Variants in TRPM8 observed in about 807,000 individuals in gnomAD.
TRPM8 encodes TRPM8 cationic channel.
A neutral mutation model predicts 133.7 loss-of-function variants in TRPM8; 110 were observed. That is an observed-to-expected ratio of 0.82 (90% CI 0.70 to 0.96). TRPM8 has a LOEUF of 0.96. Among genes scored for constraint, TRPM8 ranks in the 40% least tolerant of loss-of-function variants. The pLI is 0.00. For synonymous variants in TRPM8, 535 were observed against 532.3 expected, an observed-to-expected ratio of 1.01 and a Z score of -0.07; for missense variants, 1,291 against 1,379.5, an observed-to-expected ratio of 0.94 and a Z score of 1.02.
chr2:233,980,274 A>G lies in TRPM8; in HGVS notation c.2442A>G (p.Val814=). 6.3e-7 allele frequency: 1 copy of G among 1,592,528 alleles called. No individual in the cohort carries two copies. The highest frequency in any genetic ancestry group is 8.5e-7 in the Non-Finnish European group (1 of 1,172,382). The change falls in exon 18 of 26, where the codon GTA becomes GTG. Residue 814 remains valine (V), a synonymous_variant. Transcript: ENST00000324695. ...TTTTTTACTTCATAGCAGGAATTGT[A>G]TTTCGGTAAGTAGTCTCATCACTTT... ...LGLFYFIAGI[V]FRLHSSNKSS... is the part of the protein sequence containing the mutation.
chr2:233,974,448 G>T (rs1314501901), intron 17 of TRPM8, among the ~76,000 whole-genome samples: 2 of 152,090 alleles, frequency 1.3e-5, no homozygotes, highest in African/African-American at 4.8e-5. Context: ...TGGCCAGGAT[G>T]GTCTCAATCT....
intron 5 of TRPM8, among the ~76,000 whole-genome samples, chr2:233,942,072 T>TTA (rs1690918222): frequency 1.2e-5 from 1 of 84,762 alleles, no homozygotes; most frequent in Non-Finnish European, 1.9e-5. Flanking sequence ...GTCAAGAATC[T>TTA]TTTTTTTTTT....
intron 2 of TRPM8, among the ~76,000 whole-genome samples, chr2:233,927,742 CTTTCTTTCTTTCT>C (rs1691553348): frequency 1.6e-5 from 1 of 61,774 alleles, no homozygotes; most frequent in Non-Finnish European, 2.5e-5. Flanking sequence ...TTCTTTCTTT[CTTTCTTTCTTTCT>C]TTCTTTCTTT....
chr2:233,930,793 C>G, intron 3 of TRPM8, 52 bp downstream of exon 3: 7 of 1,269,090 alleles, frequency 5.5e-6, no homozygotes, highest in Non-Finnish European at 6.8e-6. Flanking sequence ...AAAAAATTAT[C>G]AGCCACCCTT....
intron 22 of TRPM8, among the ~76,000 whole-genome samples, chr2:234,003,149 T>C (rs1273497339): frequency 6.6e-6 from 1 of 152,196 alleles, no homozygotes; most frequent in Non-Finnish European, 1.5e-5. Context: ...GATCATAACA[T>C]ATTTCTGTGC....
intron 21 of TRPM8, 128 bp downstream of exon 21, chr2:233,985,993 G>A: frequency 1.1e-6 from 1 of 889,892 alleles, no homozygotes; most frequent in Non-Finnish European, 1.7e-6. Flanking sequence ...TTGGGGGATT[G>A]GTGGACTGGA....
chr2:234,017,128 A>G (rs957873724), intron 25 of TRPM8, among the ~76,000 whole-genome samples, 171 bp from the exon 26 acceptor site: 139 of 149,914 alleles, frequency 9.3e-4, no homozygotes, highest in African/African-American at 3.2e-3. Context: ...TTTAAGAGAA[A>G]AAAACATTCT....
rs746327259 is a variant in TRPM8, at chr2:233,939,138, G to T, written c.489G>T (p.Lys163Asn). Reference sequence around the variant, plus strand: ...TCGCCCTGAAGCCGCGCATGCGCAAGATCTTCAGCCGGCTCATCTACATCG... The same window carrying T: ...TCGCCCTGAAGCCGCGCATGCGCAATATCTTCAGCCGGCTCATCTACATCG... Reference protein sequence around the residue: ...KNFALKPRMRKIFSRLIYIAQ... With the variant: ...KNFALKPRMRNIFSRLIYIAQ... Residue 163 changes from lysine (K) to asparagine (N), a missense_variant, in exon 5 of 26, where the codon AAG becomes AAT. By Grantham distance (94) the Lys-to-Asn change is moderately conservative. Around this residue, in one of 2 missense-constraint regions of TRPM8, gnomAD observed 963 missense variants for 968.9 expected, o/e 0.99. Coordinates refer to ENST00000324695, the MANE Select transcript of TRPM8 (RefSeq NM_024080.5). 3.1e-6 allele frequency: 5 copies of T among 1,614,182 alleles called. No homozygotes were observed. The highest frequency in any genetic ancestry group is 4.2e-6 in the Non-Finnish European group (5 of 1,180,052).
chr2:233,922,075 G>A (rs1023211573), intron 1 of TRPM8, among the ~76,000 whole-genome samples: 7 of 150,494 alleles, frequency 4.7e-5, no homozygotes, highest in Non-Finnish European at 1.5e-5. Flanking sequence ...ATTGTAAAGA[G>A]GTTACAGTCG....
At chr2:233,926,232 T>G (rs1691511686) in intron 1 of TRPM8, among the ~76,000 whole-genome samples, 1 of 152,176 alleles carries the variant, frequency 6.6e-6, no homozygotes. Flanking sequence ...TTTCAGAGCT[T>G]GCAGTCTGGT....
At chr2:234,005,905 G>C (rs943313021) in intron 22 of TRPM8, among the ~76,000 whole-genome samples, 2 of 142,006 alleles carry the variant, frequency 1.4e-5, no homozygotes, top group Non-Finnish European at 3.0e-5. Context: ...TCCAGCCTGG[G>C]TGACAAGAGC....
chr2:233,992,637 C>T (rs902480354), intron 21 of TRPM8, among the ~76,000 whole-genome samples: 2 of 152,190 alleles, frequency 1.3e-5, no homozygotes, highest in Non-Finnish European at 2.9e-5. Flanking sequence ...CACTGCATGT[C>T]TCCAGCCAGC....
At chr2:233,938,915 G>C in intron 4 of TRPM8, 83 bp from the exon 5 acceptor site, 2 of 1,474,834 alleles carry the variant, frequency 1.4e-6, no homozygotes, top group Non-Finnish European at 1.9e-6. Context: ...GCAAGCGTGG[G>C]CTTGGAAGTT....
chr2:233,981,980 G>C (rs539200255), intron 19 of TRPM8, 65 bp downstream of exon 19: 240 of 1,486,440 alleles, frequency 1.6e-4, no homozygotes, highest in Non-Finnish European at 2.1e-4. Flanking sequence ...TTTAATGGTC[G>C]ATAGGAGGAT....
At chr2:233,924,970 C>A (rs947437289) in intron 1 of TRPM8, among the ~76,000 whole-genome samples, 2 of 152,138 alleles carry the variant, frequency 1.3e-5, no homozygotes, top group Admixed American at 6.5e-5. Flanking sequence ...CTAGACCAAC[C>A]ATTTGGAGTG....
chr2:234,012,154 G>GT (rs34984521), intron 24 of TRPM8, among the ~76,000 whole-genome samples: 26,398 of 140,332 alleles, frequency 0.19, 2,702 homozygotes, highest in Middle Eastern at 0.27. Flanking sequence ...AGTTCTAACA[G>GT]TTTTTTTTTT....
At chr2:233,932,506 C>A (rs1355123218) in intron 3 of TRPM8, among the ~76,000 whole-genome samples, 1 of 152,090 alleles carries the variant, frequency 6.6e-6, no homozygotes, top group African/African-American at 2.4e-5. Context: ...GAGATGTGTC[C>A]AGGTGAACTC....
At chr2:233,919,414 G>A (rs1489822395) in intron 1 of TRPM8, among the ~76,000 whole-genome samples, 1 of 152,080 alleles carries the variant, frequency 6.6e-6, no homozygotes, top group African/African-American at 2.4e-5. Flanking sequence ...TCTCAAAGCT[G>A]TATTAAAGTG....
rs1316782061 is a variant in TRPM8 at position 233,985,685 on chromosome 2, C to T, written c.2762-3C>T. ...CTTTGCCTGTTGGTTTCTACATCCT[C>T]AGGTACCACGTATGACTTTGCCCAC... On this transcript the variant is annotated splice_polypyrimidine_tract_variant and splice_region_variant and intron_variant, in intron 20 of 25. Coordinates refer to ENST00000324695, the MANE Select transcript of TRPM8 (RefSeq NM_024080.5). The T allele has an allele frequency of 1.2e-6, 2 of 1,612,954 alleles. No homozygotes were observed. The highest frequency in any genetic ancestry group is 1.7e-6 in the Non-Finnish European group (2 of 1,179,248).
Sources: allele counts gnomAD v4.1 joint callset (sites outside exome capture counted in the v4.1 genomes callset), GRCh38; gene constraint gnomAD v4.1.1; regional missense constraint gnomAD v4.1.1; transcripts MANE v1.5; gene names NCBI Gene and HGNC (gene_info 2026-07-23, HGNC 2026-07-21).